GRM5: variants seen among roughly 807,000 people sequenced by gnomAD.
GRM5 encodes the protein glutamate metabotropic receptor 5.
GRM5 carries 19 observed loss-of-function variants against 83.1 expected under a neutral mutation model. The observed-to-expected ratio is 0.23, with a 90% CI of 0.16 to 0.34. The LOEUF (loss-of-function observed/expected upper bound fraction) is 0.34. Among genes scored for constraint, GRM5 ranks in the 10% least tolerant of loss-of-function variants. The pLI, the probability that GRM5 is intolerant of heterozygous loss-of-function variation, is 1.00. For missense variants in GRM5, 1,160 were observed against 1,588.3 expected, an observed-to-expected ratio of 0.73 and a Z score of 4.58; for synonymous variants, 675 against 633.6, an observed-to-expected ratio of 1.07 and a Z score of -0.98.
At chr11:89,031,140 C>G in intron 2 of GRM5, among the ~76,000 whole-genome samples, 1 of 151,990 alleles carries the variant, frequency 6.6e-6, no homozygotes, top group East Asian at 1.9e-4. Context: ...AACTTTATTT[C>G]AAGAACAACT....
intron 2 of GRM5, among the ~76,000 whole-genome samples, chr11:88,895,767 C>T (rs1174397481): frequency 6.6e-6 from 1 of 151,876 alleles, no homozygotes; most frequent in Admixed American, 6.6e-5. Context: ...TATTGACATA[C>T]ACTGTGCAAT....
At chr11:88,516,723 G>GCT (rs1555057706) in intron 9 of GRM5, among the ~76,000 whole-genome samples, 2 of 148,342 alleles carry the variant, frequency 1.3e-5, no homozygotes, top group African/African-American at 4.9e-5. Flanking sequence ...GATTATCCTG[G>GCT]TTTTTTTTTT....
chr11:88,825,979 G>T (rs1826189166), intron 3 of GRM5, among the ~76,000 whole-genome samples: 1 of 152,060 alleles, frequency 6.6e-6, no homozygotes. Flanking sequence ...ACAGTCACTG[G>T]GTTATGTAGG....
At chr11:88,797,795 T>G (rs1232767349) in intron 3 of GRM5, among the ~76,000 whole-genome samples, 1 of 150,112 alleles carries the variant, frequency 6.7e-6, no homozygotes, top group African/African-American at 2.5e-5. Flanking sequence ...ATTTACTGCA[T>G]CCCTTTAAAC....
At chr11:88,547,617 T>C (rs1419548475) in intron 8 of GRM5, among the ~76,000 whole-genome samples, 3 of 152,178 alleles carry the variant, frequency 2.0e-5, no homozygotes, top group Admixed American at 6.6e-5. Context: ...TGAAATTCTA[T>C]ACCTGATTCC....
chr11:88,789,541 AAT>A (rs1263933541), intron 3 of GRM5, among the ~76,000 whole-genome samples: 11 of 152,126 alleles, frequency 7.2e-5, no homozygotes, highest in Non-Finnish European at 4.4e-5. Flanking sequence ...TGATATTTTT[AAT>A]ACTCAGAGAA....
chr11:89,000,857 T>G (rs1310415078), intron 2 of GRM5, among the ~76,000 whole-genome samples: 9 of 151,880 alleles, frequency 5.9e-5, no homozygotes, highest in Non-Finnish European at 1.2e-4. Context: ...AAACTCAATG[T>G]TTAAAAAGAA....
intron 3 of GRM5, among the ~76,000 whole-genome samples, chr11:88,689,819 C>T (rs1048382627): frequency 3.3e-5 from 5 of 152,222 alleles, no homozygotes; most frequent in Admixed American, 2.0e-4. Context: ...TGGAGCATAG[C>T]GATACGAATA....
At chr11:88,943,225 C>T (rs1322611815) in intron 2 of GRM5, among the ~76,000 whole-genome samples, 2 of 152,072 alleles carry the variant, frequency 1.3e-5, no homozygotes, top group Admixed American at 1.3e-4. Context: ...TGCAGTTTTA[C>T]AATTTAAAGT....
Position 88,716,190 on chromosome 11 carries a change from A to G in GRM5, c.912-62787T>C, listed in dbSNP as rs1591461703. ...CACCAGCCCAAATTCTAAATGGTTCAGGCCAGATGTAGATTCCCTAGGTAC... is the reference window on the plus strand; with the variant it reads ...CACCAGCCCAAATTCTAAATGGTTCGGGCCAGATGTAGATTCCCTAGGTAC... On this transcript the variant is annotated intron_variant, in intron 3 of 9. Transcript: ENST00000305447. 3.3e-5 allele frequency among the ~76,000 whole-genome samples: 5 copies of G among 152,146 alleles called. No individual in the cohort carries two copies. In the South Asian group the frequency reaches 1.0e-3, roughly 32 times the overall value.
chr11:88,553,794 G>A (rs1407408249), intron 8 of GRM5, among the ~76,000 whole-genome samples: 1 of 152,044 alleles, frequency 6.6e-6, no homozygotes, highest in African/African-American at 2.4e-5. Flanking sequence ...GCATGTTGGG[G>A]GGAAAAATAC....
chr11:88,828,006 G>A (rs1943923057), intron 3 of GRM5, among the ~76,000 whole-genome samples: 1 of 152,152 alleles, frequency 6.6e-6, no homozygotes, highest in African/African-American at 2.4e-5. Flanking sequence ...TAACATCTGA[G>A]TGAAGATTTT....
intron 2 of GRM5, among the ~76,000 whole-genome samples, chr11:88,857,203 A>T (rs570739108): frequency 6.6e-6 from 1 of 152,176 alleles, no homozygotes; most frequent in East Asian, 1.9e-4. Flanking sequence ...ACCAATTTAT[A>T]CTTTGATTAG....
chr11:88,907,322 G>A (rs373381000), intron 2 of GRM5, among the ~76,000 whole-genome samples: 2 of 152,158 alleles, frequency 1.3e-5, no homozygotes. Flanking sequence ...GTGTCCCACA[G>A]AGGGACCACA....
At chr11:88,678,539 T>C (rs979759402) in intron 3 of GRM5, among the ~76,000 whole-genome samples, 2 of 152,150 alleles carry the variant, frequency 1.3e-5, no homozygotes, top group African/African-American at 4.8e-5. Context: ...TCATTTATTC[T>C]TTCATCTCTT....
At chr11:89,036,208 C>G (rs1204449385) in intron 2 of GRM5, among the ~76,000 whole-genome samples, 1 of 152,012 alleles carries the variant, frequency 6.6e-6, no homozygotes, top group Admixed American at 6.6e-5. Flanking sequence ...AGCATAATGC[C>G]TCTCAACATA....
intron 2 of GRM5, among the ~76,000 whole-genome samples, chr11:88,853,706 TA>T (rs1375079274): frequency 1.6e-5 from 2 of 125,548 alleles, no homozygotes; most frequent in East Asian, 2.6e-4. Flanking sequence ...ATACATTTAA[TA>T]AAAAAATAAA....
intron 3 of GRM5, among the ~76,000 whole-genome samples, chr11:88,840,505 A>C (rs1388072654): frequency 5.3e-5 from 8 of 152,096 alleles, no homozygotes; most frequent in Non-Finnish European, 2.9e-5. Context: ...CCATGATCTC[A>C]TGATTTCCTT....
At chr11:88,516,574 C>T (rs1264296797) in intron 9 of GRM5, among the ~76,000 whole-genome samples, 1 of 152,178 alleles carries the variant, frequency 6.6e-6, no homozygotes, top group Non-Finnish European at 1.5e-5. Context: ...TTCTGTCTTA[C>T]AGCACCTCAG....
Sources: gnomAD v4.1 joint callset for allele counts (sites outside exome capture counted in the v4.1 genomes callset) on GRCh38, gnomAD v4.1.1 for gene constraint, MANE v1.5 for transcripts, NCBI Gene and HGNC (gene_info 2026-07-23, HGNC 2026-07-21) for gene names.